Variants in DPYSL3 observed in about 807,000 individuals in gnomAD.
DPYSL3 encodes dihydropyrimidinase-related protein 3.
DPYSL3 carries 16 observed loss-of-function variants against 66.1 expected under a neutral mutation model. That is an observed-to-expected ratio of 0.24 (90% CI 0.16 to 0.37). The LOEUF is 0.37. Among genes scored for constraint, DPYSL3 ranks in the 10% least tolerant of loss-of-function variants. The probability of loss-of-function intolerance (pLI) is 1.00; values close to 1 mark genes in which losing one functional copy is unlikely to be tolerated. For synonymous variants in DPYSL3, 338 were observed against 345.1 expected (o/e 0.98, Z 0.23); for missense variants, 738 against 916.2 (o/e 0.81, Z 2.51).
chr5:147,494,439 T>C (rs1041939276), intron 1 of DPYSL3, among the ~76,000 whole-genome samples: 4 of 151,768 alleles, frequency 2.6e-5, no homozygotes, highest in African/African-American at 9.7e-5. Context: ...AACCAAAAGC[T>C]GGCTCTTCAA....
In DPYSL3 at chr5:147,502,376, TACACACAC is replaced by T. The variant is rs10561693; in HGVS notation, c.381+7094_381+7101del. On this transcript the variant is annotated intron_variant, in intron 1 of 13. Coordinates refer to ENST00000343218, the MANE Select transcript of DPYSL3 (RefSeq NM_001197294.2). The stretch of plus-strand genomic sequence containing the variant: ...TTGGGAAAAAAATGCATGTCACAGA[TACACACAC>T]ACACACACACACACACATATACACA... 8.7e-5 allele frequency among the ~76,000 whole-genome samples: 13 copies of T among 149,506 alleles called. No individual in the cohort carries two copies. In the South Asian group the frequency reaches 1.3e-3, roughly 15 times the overall value.
chr5:147,399,020 C>T lies in DPYSL3; in HGVS notation c.1623+62G>A. The T allele has an allele frequency of 7.6e-6, 12 of 1,580,388 alleles. No individual in the cohort carries two copies. In the South Asian group the frequency reaches 1.1e-4, roughly 14 times the overall value. ...TGGCACACCACATAAACACATTTCT[C>T]CTGACCAAGTTCCTTGCATGCATTC... On this transcript the variant is annotated intron_variant, in intron 11 of 13. Coordinates refer to ENST00000343218, the MANE Select transcript of DPYSL3 (RefSeq NM_001197294.2).
intron 6 of DPYSL3, among the ~76,000 whole-genome samples, 172 bp downstream of exon 6, chr5:147,412,436 C>A (rs1441043573): frequency 1.3e-5 from 2 of 151,022 alleles, no homozygotes; most frequent in Non-Finnish European, 2.9e-5. Flanking sequence ...TGTCTACATT[C>A]CCCTCTGTTT....
rs145712862 is a variant in DPYSL3 at position 147,489,280 on chromosome 5, G to A, written c.381+20198C>T. On this transcript the variant is annotated intron_variant, in intron 1 of 13. Transcript: ENST00000343218. ...TTCCTCTGTTAGACATTTTATTTTG[G>A]ACTCCTCTTAGTATCCACACCAGCT... Among the ~76,000 whole-genome samples, 793 of 152,080 alleles carry A rather than the reference G, an allele frequency of 5.2e-3. 12 individuals are homozygous for A. Among genetic ancestry groups the A allele is most frequent in the African/African-American group, 0.018 (746 of 41,478 alleles).
At chr5:147,414,716 C>CGTTCTG (rs1490010320) in intron 4 of DPYSL3, among the ~76,000 whole-genome samples, 1 of 152,194 alleles carries the variant, frequency 6.6e-6, no homozygotes, top group Admixed American at 6.5e-5. Context: ...GTTAATCTCA[C>CGTTCTG]ATTCTGTGTC....
chr5:147,453,765 C>A, intron 1 of DPYSL3: 1 of 1,310,438 alleles, frequency 7.6e-7, no homozygotes. Flanking sequence ...CTGCCAGAGA[C>A]AATAGTAAAT....
intron 4 of DPYSL3, among the ~76,000 whole-genome samples, chr5:147,415,144 C>T (rs1008045000): frequency 6.6e-6 from 1 of 152,144 alleles, no homozygotes; most frequent in Non-Finnish European, 1.5e-5. Context: ...GGCAAACACA[C>T]AGAAACATAT....
intron 1 of DPYSL3, among the ~76,000 whole-genome samples, chr5:147,466,144 A>G (rs1374202917): frequency 6.6e-6 from 1 of 152,222 alleles, no homozygotes; most frequent in African/African-American, 2.4e-5. Context: ...CTAGAGTAAA[A>G]TATTGGCTGC....
chr5:147,404,076 G>A (rs1024085222), intron 8 of DPYSL3, among the ~76,000 whole-genome samples: 1 of 152,118 alleles, frequency 6.6e-6, no homozygotes, highest in Non-Finnish European at 1.5e-5. Context: ...GTGTGTGTGC[G>A]GCACTGGGTG....
At chr5:147,469,672 A>C (rs1389458847) in intron 1 of DPYSL3, among the ~76,000 whole-genome samples, 3 of 152,116 alleles carry the variant, frequency 2.0e-5, no homozygotes, top group African/African-American at 7.2e-5. Context: ...TTTTTTGCAC[A>C]TTTTTCTGGG....
intron 1 of DPYSL3, among the ~76,000 whole-genome samples, chr5:147,444,991 G>A (rs746773747): frequency 2.6e-5 from 4 of 152,108 alleles, no homozygotes; most frequent in African/African-American, 7.2e-5. Flanking sequence ...TGTAGTTTAC[G>A]TGCAAAGGCA....
Position 147,509,872 on chromosome 5 carries a change from A to T in DPYSL3, c.-14T>A. The T allele has an allele frequency of 6.7e-7, 1 of 1,497,786 alleles. No homozygotes were observed. Among genetic ancestry groups the T allele is most frequent in the South Asian group, 1.2e-5 (1 of 80,396 alleles). 92.8% of individuals were successfully genotyped at this position (1,497,786 alleles called of 1,614,324 possible). A position where few individuals can be genotyped will look rare whatever the true frequency, so the allele number is the denominator to read the frequency against. ...GCCCGAGGCCATGGTTCAAGCACGA[A>T]AGCGGCCCGCGGGTTTTTCTTCCCC... On this transcript the variant is annotated 5_prime_UTR_variant, in exon 1 of 14. Coordinates refer to ENST00000343218, the MANE Select transcript of DPYSL3 (RefSeq NM_001197294.2). This position sits in a 1 kb window ranked among gnomAD's most constrained non-coding sequence, Gnocchi z 5.3.
rs3805539 is a variant in DPYSL3 at position 147,409,962 on chromosome 5, C to T, written c.964-1166G>A. Among the ~76,000 whole-genome samples, 2,098 of 152,256 alleles carry T rather than the reference C, an allele frequency of 0.014. 128 individuals are homozygous for T. In the East Asian group the frequency reaches 0.19, roughly 14 times the overall value. ...GAAAGGAAAATGCACATACTAAAAG[C>T]AACCATGAGAAGTGAAATGGTCACT... On this transcript the variant is annotated intron_variant, in intron 6 of 13. Transcript: ENST00000343218.
intron 4 of DPYSL3, among the ~76,000 whole-genome samples, 175 bp downstream of exon 4, chr5:147,415,534 G>C (rs889738762): frequency 2.6e-5 from 4 of 152,148 alleles, no homozygotes; most frequent in Non-Finnish European, 5.9e-5. Flanking sequence ...ATCTCATGGG[G>C]ATCCTGTAAG....
chr5:147,428,518 C>T (rs1487925112), intron 1 of DPYSL3, among the ~76,000 whole-genome samples: 1 of 151,942 alleles, frequency 6.6e-6, no homozygotes, highest in Non-Finnish European at 1.5e-5. Context: ...CACTGACCAC[C>T]CCCAGGTCAC....
At chr5:147,473,222 C>T (rs1289324165) in intron 1 of DPYSL3, 5 of 152,116 alleles carry the variant, frequency 3.3e-5, no homozygotes, top group Admixed American at 2.6e-4. Flanking sequence ...TGAGAGGGCT[C>T]ATTGTGATTT....
chr5:147,480,703 ATATTAT>A (rs10665228), intron 1 of DPYSL3, among the ~76,000 whole-genome samples: 22,217 of 142,326 alleles, frequency 0.16, 2,075 homozygotes, highest in African/African-American at 0.26. Context: ...GAATATATAT[ATATTAT>A]TATTATTATT....
At chr5:147,433,896 G>A (rs781028449) in intron 1 of DPYSL3, among the ~76,000 whole-genome samples, 6 of 152,088 alleles carry the variant, frequency 3.9e-5, no homozygotes, top group Non-Finnish European at 5.9e-5. Flanking sequence ...ACTGGGCGTG[G>A]TGGCATCCCT....
Position 147,502,277 on chromosome 5 carries a change from G to C in DPYSL3, c.381+7201C>G, listed in dbSNP as rs548152176. On this transcript the variant is annotated intron_variant, in intron 1 of 13. Coordinates refer to ENST00000343218, the MANE Select transcript of DPYSL3 (RefSeq NM_001197294.2). ...TTAGGATTTCAACCTATGAAATTGG[G>C]GGTACACAAACCTTCAGACCACGCT... 2.0e-5 allele frequency among the ~76,000 whole-genome samples: 3 copies of C among 151,854 alleles called. No homozygotes were observed. In the East Asian group the frequency reaches 5.8e-4, roughly 30 times the overall value.
Sources: gnomAD v4.1 joint callset for allele counts (sites outside exome capture counted in the v4.1 genomes callset) on GRCh38, gnomAD v4.1.1 for gene constraint, Gnocchi (gnomAD v3.1) non-coding constraint, MANE v1.5 for transcripts, NCBI Gene and HGNC (gene_info 2026-07-23, HGNC 2026-07-21) for gene names.